Variants in CDK5RAP2 observed in about 807,000 individuals in gnomAD.
CDK5RAP2 encodes CDK5 regulatory subunit associated protein 2.
In CDK5RAP2, 147 loss-of-function variants were observed where a neutral mutation model predicts 232.9. That is an observed-to-expected ratio of 0.63 (90% CI 0.55 to 0.72). CDK5RAP2 has a LOEUF of 0.72. Among genes scored for constraint, CDK5RAP2 ranks in the 30% least tolerant of loss-of-function variants. CDK5RAP2 has a pLI of 0.00. For synonymous variants in CDK5RAP2, 833 were observed against 833.7 expected (o/e 1.00, Z 0.01); for missense variants, 2,195 against 2,231.5 (o/e 0.98, Z 0.33).
At chr9:120,467,458 G>T (rs1288935004) in intron 18 of CDK5RAP2, among the ~76,000 whole-genome samples, 1 of 152,096 alleles carries the variant, frequency 6.6e-6, no homozygotes, top group Non-Finnish European at 1.5e-5. Flanking sequence ...GCCTAGTGGG[G>T]CTCTCAATAC....
intron 12 of CDK5RAP2, among the ~76,000 whole-genome samples, chr9:120,498,142 A>G (rs2039402632): frequency 6.6e-6 from 1 of 152,196 alleles, no homozygotes; most frequent in Non-Finnish European, 1.5e-5. Context: ...GCCCTTTCCC[A>G]TATTCTCACC....
At chr9:120,497,495 G>C (rs1246546269) in intron 12 of CDK5RAP2, among the ~76,000 whole-genome samples, 1 of 136,048 alleles carries the variant, frequency 7.4e-6, no homozygotes, top group Non-Finnish European at 1.6e-5. Context: ...AGTATGACGA[G>C]AAGCAGGATA....
intron 11 of CDK5RAP2, among the ~76,000 whole-genome samples, chr9:120,523,901 C>T (rs955366037): frequency 6.6e-6 from 1 of 151,934 alleles, no homozygotes; most frequent in Admixed American, 6.6e-5. Context: ...TGTAGTACAA[C>T]ATTGGGGGAC....
chr9:120,496,517 G>A (rs1340329387), intron 12 of CDK5RAP2, among the ~76,000 whole-genome samples: 1 of 145,752 alleles, frequency 6.9e-6, no homozygotes, highest in Admixed American at 6.7e-5. Context: ...AGGTGGGGGG[G>A]TCGGCCCCCC....
intron 35 of CDK5RAP2, 60 bp from the exon 36 acceptor site, chr9:120,394,698 A>G: frequency 7.7e-7 from 1 of 1,292,758 alleles, no homozygotes; most frequent in Non-Finnish European, 1.1e-6. Context: ...TTACACAGGA[A>G]GAATTACAAA....
intron 5 of CDK5RAP2, 120 bp from the exon 6 acceptor site, chr9:120,539,284 CT>C: frequency 8.1e-7 from 1 of 1,230,588 alleles, no homozygotes; most frequent in Non-Finnish European, 1.2e-6. Flanking sequence ...TGCTGAGCTT[CT>C]TTTTCTTTAG....
At chr9:120,553,261 A>G (rs796120953) in intron 3 of CDK5RAP2, among the ~76,000 whole-genome samples, 22 of 152,314 alleles carry the variant, frequency 1.4e-4, no homozygotes, top group African/African-American at 5.3e-4. Flanking sequence ...CTCACTGCCT[A>G]TAGAGAAAAT....
rs1292005774 is a variant in CDK5RAP2, at chr9:120,409,260, G to A, written c.4471C>T (p.Leu1491=). The change falls in exon 30 of 38, where the codon CTG becomes TTG. Residue 1491 remains leucine (L), a synonymous_variant. Coordinates refer to ENST00000349780, the MANE Select transcript of CDK5RAP2 (RefSeq NM_018249.6). ...GCATACTCCCGCTGAAGGTGCTCCA[G>A]GCTCACGGTCTTCCTGGAGAGGGAC... ...RESLSRKTVS[L]EHLQREYASV... 1 of 1,613,750 alleles carries A rather than the reference G, an allele frequency of 6.2e-7. No individual in the cohort carries two copies. Among genetic ancestry groups the A allele is most frequent in the Non-Finnish European group, 8.5e-7 (1 of 1,179,834 alleles).
chr9:120,507,778 A>G (rs897596331), intron 12 of CDK5RAP2, among the ~76,000 whole-genome samples: 1 of 151,618 alleles, frequency 6.6e-6, no homozygotes, highest in African/African-American at 2.4e-5. Context: ...CTGTATGATG[A>G]TGTCAACTAA....
intron 21 of CDK5RAP2, 69 bp downstream of exon 21, chr9:120,453,387 T>C: frequency 1.4e-6 from 2 of 1,422,474 alleles, no homozygotes; most frequent in Admixed American, 3.6e-5. Context: ...AGTGGTGAGA[T>C]TAAAGGTGAT....
At chr9:120,512,322 C>T (rs2040131994) in intron 12 of CDK5RAP2, among the ~76,000 whole-genome samples, 1 of 152,178 alleles carries the variant, frequency 6.6e-6, no homozygotes, top group Non-Finnish European at 1.5e-5. Flanking sequence ...ACACAACAGC[C>T]TGAGTGACAG....
intron 25 of CDK5RAP2, among the ~76,000 whole-genome samples, chr9:120,435,501 ACG>A (rs1491446976): frequency 1.3e-5 from 2 of 150,522 alleles, no homozygotes; most frequent in Non-Finnish European, 3.0e-5. Context: ...ACACACACAC[ACG>A]CCTGCTAAAG....
At chr9:120,496,564 G>C (rs2039260371) in intron 12 of CDK5RAP2, among the ~76,000 whole-genome samples, 2 of 151,090 alleles carry the variant, frequency 1.3e-5, no homozygotes, top group Non-Finnish European at 1.5e-5. Flanking sequence ...GGAGGTGGGG[G>C]GGTCGGCCCC....
chr9:120,555,759 G>A (rs1187882887), intron 3 of CDK5RAP2, among the ~76,000 whole-genome samples: 1 of 152,142 alleles, frequency 6.6e-6, no homozygotes, highest in Non-Finnish European at 1.5e-5. Flanking sequence ...GTACATAAAT[G>A]TTTACTGCAG....
Position 120,518,434 on chromosome 9 carries a change from G to T in CDK5RAP2, c.1304C>A (p.Thr435Asn). 6.2e-7 allele frequency: 1 copy of T among 1,613,198 alleles called. No homozygotes were observed. The highest frequency in any genetic ancestry group is 8.5e-7 in the Non-Finnish European group (1 of 1,179,786). ...AHREKSKGDC[T>N]IRDLRNEVEK... ...GGGCAGGGCGGTACTCACACGGATG[G>T]TGCAGTCTCCTTTGCTCTTCTCTCG... is the stretch of plus-strand genomic sequence containing the variant. The change falls in exon 12 of 38, where the codon ACC (threonine) becomes AAC (asparagine). Residue 435 changes from threonine (T) to asparagine (N), a missense_variant. Thr to Asn is a moderately conservative substitution (Grantham distance 65, BLOSUM62 0). Transcript: ENST00000349780.
intron 20 of CDK5RAP2, among the ~76,000 whole-genome samples, chr9:120,455,370 T>TAAAAA (rs77949035): frequency 2.1e-5 from 2 of 94,172 alleles, no homozygotes; most frequent in East Asian, 5.7e-4. Flanking sequence ...TACAACACGT[T>TAAAAA]AAAAAAAAAA....
intron 28 of CDK5RAP2, among the ~76,000 whole-genome samples, chr9:120,414,448 G>A (rs1221251066): frequency 6.6e-6 from 1 of 152,168 alleles, no homozygotes; most frequent in Non-Finnish European, 1.5e-5. Flanking sequence ...ACAGAATCAT[G>A]GATATAGAGT....
At position 120,388,988 on chromosome 9, in the gene CDK5RAP2, G is replaced by A; in HGVS notation, c.*248C>T. The stretch of plus-strand genomic sequence containing the variant: ...CAAGGCGCACAGCCTCAACTCCGGT[G>A]CCTGCCCCTGATCTGAAATACAACA... On this transcript the variant is annotated 3_prime_UTR_variant, in exon 38 of 38. Transcript: ENST00000349780. 1 of 583,272 alleles carries A rather than the reference G, an allele frequency of 1.7e-6. No individual in the cohort carries two copies. Among genetic ancestry groups the A allele is most frequent in the Non-Finnish European group, 3.0e-6 (1 of 329,174 alleles). 36.1% of individuals were successfully genotyped at this position (583,272 alleles called of 1,614,324 possible).
intron 12 of CDK5RAP2, among the ~76,000 whole-genome samples, chr9:120,496,311 G>A (rs1327007929): frequency 3.2e-5 from 4 of 126,940 alleles, no homozygotes; most frequent in Non-Finnish European, 3.5e-5. Context: ...CCGGCCAGCC[G>A]CCCCGTCCGG....
Sources: allele counts gnomAD v4.1 joint callset (sites outside exome capture counted in the v4.1 genomes callset), GRCh38; gene constraint gnomAD v4.1.1; transcripts MANE v1.5; gene names NCBI Gene and HGNC (gene_info 2026-07-23, HGNC 2026-07-21).